Variants in DIP2C observed in about 807,000 individuals in gnomAD.
DIP2C encodes DIP2 acetate--CoA ligase C (putative).
A neutral mutation model predicts 192.4 loss-of-function variants in DIP2C; 33 were observed. That is an observed-to-expected ratio of 0.17 (90% CI 0.13 to 0.23). The LOEUF (loss-of-function observed/expected upper bound fraction) is 0.23. Ranked by LOEUF, DIP2C falls within the 10% of genes least tolerant of loss-of-function variation. The pLI, the probability that DIP2C is intolerant of heterozygous loss-of-function variation, is 1.00. For missense variants in DIP2C, 1,537 were observed against 2,110.1 expected, an observed-to-expected ratio of 0.73 and a Z score of 5.32; for synonymous variants, 979 against 864.1, an observed-to-expected ratio of 1.13 and a Z score of -2.33.
intron 1 of DIP2C, among the ~76,000 whole-genome samples, chr10:592,890 A>G (rs1851484399): frequency 2.0e-5 from 3 of 152,222 alleles, no homozygotes; most frequent in Non-Finnish European, 2.9e-5. Context: ...GCTCAAACCA[A>G]CTGGGTATTT....
intron 29 of DIP2C, among the ~76,000 whole-genome samples, chr10:334,426 C>T (rs1310046825): frequency 2.7e-5 from 4 of 149,172 alleles, no homozygotes; most frequent in Non-Finnish European, 5.9e-5. Context: ...TTAATTCTGT[C>T]TTTTGATATA....
intron 3 of DIP2C, among the ~76,000 whole-genome samples, chr10:452,957 A>G (rs1304296946): frequency 6.6e-6 from 1 of 152,222 alleles, no homozygotes; most frequent in Non-Finnish European, 1.5e-5. Flanking sequence ...GGAAGGGGGC[A>G]GTGTTGGATT....
chr10:655,088 G>C (rs1454037167), intron 1 of DIP2C, among the ~76,000 whole-genome samples: 2 of 152,124 alleles, frequency 1.3e-5, no homozygotes, highest in African/African-American at 4.8e-5. Flanking sequence ...AGTAGACTGA[G>C]GGTCCCCATA....
intron 1 of DIP2C, among the ~76,000 whole-genome samples, chr10:499,145 A>G (rs999158344): frequency 1.3e-5 from 2 of 152,180 alleles, no homozygotes; most frequent in African/African-American, 4.8e-5. Flanking sequence ...CGATGGTCAC[A>G]CAGCTGAGGT....
chr10:412,138 A>T (rs1271779446), intron 8 of DIP2C, among the ~76,000 whole-genome samples: 3 of 152,246 alleles, frequency 2.0e-5, no homozygotes, highest in Non-Finnish European at 4.4e-5. Context: ...AACCCTGTTC[A>T]AAGTTCCAGC....
At chr10:565,085 G>A (rs559669507) in intron 1 of DIP2C, among the ~76,000 whole-genome samples, 23 of 152,152 alleles carry the variant, frequency 1.5e-4, no homozygotes, top group African/African-American at 5.1e-4. Flanking sequence ...AGGAGAGGGC[G>A]GTTCCATCAC....
At chr10:581,982 C>G (rs185976412) in intron 1 of DIP2C, among the ~76,000 whole-genome samples, 48 of 151,852 alleles carry the variant, frequency 3.2e-4, no homozygotes, top group African/African-American at 1.1e-3. Context: ...GCATTGGATC[C>G]TCATAAGGAG....
rs79135739 is a variant in DIP2C, at chr10:274,818, G to A, written c.*2507C>T. ...CTCTTTTTGTGCAAGTTGATTACAC[G>A]GTTTTGTCTGACTTCAAAAGCACAA... On this transcript the variant is annotated 3_prime_UTR_variant, in exon 37 of 37. Coordinates refer to ENST00000280886, the MANE Select transcript of DIP2C (RefSeq NM_014974.3). 2.7e-3 allele frequency: 407 copies of A among 152,204 alleles called. 2 individuals carry two copies. Among genetic ancestry groups the A allele is most frequent in the African/African-American group, 9.4e-3 (392 of 41,510 alleles). 9.4% of individuals were successfully genotyped at this position (152,204 alleles called of 1,614,324 possible). A position where few individuals can be genotyped will look rare whatever the true frequency, so the allele number is the denominator to read the frequency against.
chr10:472,243 T>C (rs1350984102), intron 3 of DIP2C, among the ~76,000 whole-genome samples, 196 bp downstream of exon 3: 1 of 152,248 alleles, frequency 6.6e-6, no homozygotes, highest in East Asian at 1.9e-4. Flanking sequence ...CAACATGGGC[T>C]TGTAAACCAC....
intron 20 of DIP2C, among the ~76,000 whole-genome samples, chr10:364,160 TA>T (rs1959896303): frequency 6.6e-6 from 1 of 152,336 alleles, no homozygotes; most frequent in Admixed American, 6.5e-5. Flanking sequence ...TCAATGGAAA[TA>T]TATTTATGGA....
intron 29 of DIP2C, among the ~76,000 whole-genome samples, chr10:332,092 A>G (rs529037379): frequency 3.3e-5 from 5 of 152,056 alleles, no homozygotes; most frequent in Non-Finnish European, 5.9e-5. Flanking sequence ...TAGAGACTAG[A>G]GGCACATACC....
intron 11 of DIP2C, among the ~76,000 whole-genome samples, 154 bp downstream of exon 11, chr10:390,586 T>G (rs1340746487): frequency 6.6e-6 from 1 of 151,794 alleles, no homozygotes; most frequent in Non-Finnish European, 1.5e-5. Flanking sequence ...AACTCGGCTG[T>G]GTCATCAGGG....
chr10:353,156 G>A (rs1255644477), intron 24 of DIP2C, among the ~76,000 whole-genome samples: 3 of 117,726 alleles, frequency 2.5e-5, no homozygotes, highest in Admixed American at 1.9e-4. Context: ...CTGGGAGGCA[G>A]CATGACCGGA....
chr10:466,872 G>C (rs1397024373), intron 3 of DIP2C, among the ~76,000 whole-genome samples: 3 of 140,016 alleles, frequency 2.1e-5, no homozygotes, highest in Non-Finnish European at 3.2e-5. Flanking sequence ...TCATTAAAAA[G>C]TCAGGAAACA....
chr10:532,943 A>G (rs1847503950), intron 1 of DIP2C, among the ~76,000 whole-genome samples: 1 of 152,118 alleles, frequency 6.6e-6, no homozygotes, highest in Non-Finnish European at 1.5e-5. Flanking sequence ...CGTGCACACC[A>G]CCACTCCTAC....
chr10:512,822 G>A (rs549028193), intron 1 of DIP2C, among the ~76,000 whole-genome samples: 25 of 149,280 alleles, frequency 1.7e-4, no homozygotes, highest in Middle Eastern at 3.5e-3. Flanking sequence ...GCTGAGGGAG[G>A]AGAATCACTT....
chr10:305,687 C>T (rs1956283692), intron 32 of DIP2C, among the ~76,000 whole-genome samples: 1 of 152,168 alleles, frequency 6.6e-6, no homozygotes, highest in African/African-American at 2.4e-5. Context: ...CTCCATTGCC[C>T]AGGCTGGAGT....
chr10:548,217 C>CT (rs1554897848), intron 1 of DIP2C, among the ~76,000 whole-genome samples: 1 of 129,732 alleles, frequency 7.7e-6, no homozygotes, highest in Non-Finnish European at 1.7e-5. Flanking sequence ...CACCCCCCCC[C>CT]CCACAGGAAA....
chr10:369,666 G>A (rs759169962), intron 17 of DIP2C, 33 bp from the exon 18 acceptor site: 2 of 1,613,996 alleles, frequency 1.2e-6, no homozygotes, highest in Non-Finnish European at 1.7e-6. Context: ...GAATATGCAG[G>A]AGCAGATAAG....
Sources: allele counts gnomAD v4.1 joint callset (sites outside exome capture counted in the v4.1 genomes callset), GRCh38; gene constraint gnomAD v4.1.1; transcripts MANE v1.5; gene names NCBI Gene and HGNC (gene_info 2026-07-23, HGNC 2026-07-21).